Variants in IGSF3 observed in about 807,000 individuals in gnomAD.
IGSF3 encodes glu-Trp-Ile EWI motif-containing protein 3.
IGSF3 carries 23 observed loss-of-function variants against 114.4 expected under a neutral mutation model. That is an observed-to-expected ratio of 0.20 (90% CI 0.14 to 0.28). The LOEUF is 0.28. Among genes scored for constraint, IGSF3 ranks in the 10% least tolerant of loss-of-function variants. The probability of loss-of-function intolerance (pLI) is 1.00; values close to 1 mark genes in which losing one functional copy is unlikely to be tolerated. For synonymous variants in IGSF3, 571 were observed against 645.2 expected (o/e 0.88, Z 1.74); for missense variants, 1,172 against 1,591.5 (o/e 0.74, Z 4.48).
At position 116,657,264 on chromosome 1, in the gene IGSF3, G is replaced by A. The variant is rs1256551225; in HGVS notation, c.43+9020C>T. On this transcript the variant is annotated intron_variant, in intron 2 of 10. Coordinates refer to ENST00000369486, the MANE Select transcript of IGSF3 (RefSeq NM_001007237.3). This position sits in a 1 kb window ranked among gnomAD's most constrained non-coding sequence, Gnocchi z 4.2. ...CTGCATCTCCTTTCCTCTCCCTGAT[G>A]AAAAGTGCCACCTAGCAAGGTCAAT... 6.6e-6 allele frequency among the ~76,000 whole-genome samples: 1 copy of A among 152,172 alleles called. No individual in the cohort carries two copies. The highest frequency in any genetic ancestry group is 1.5e-5 in the Non-Finnish European group (1 of 68,036).
intron 7 of IGSF3, 147 bp downstream of exon 7, chr1:116,599,794 T>G: frequency 1.4e-6 from 1 of 703,926 alleles, no homozygotes; most frequent in Non-Finnish European, 2.3e-6. Context: ...TGCACGATTC[T>G]TAAAACTTCC....
chr1:116,579,291 T>C lies in IGSF3; in HGVS notation c.3334+101A>G, dbSNP rs1337280612. ...TCCTACTAATAAATGCCCATGACAG[T>C]TAAGAAAACTGTTTATTAACCCATA... On this transcript the variant is annotated intron_variant, in intron 10 of 10. Coordinates refer to ENST00000369486, the MANE Select transcript of IGSF3 (RefSeq NM_001007237.3). The surrounding 1 kb of genome is among the most constrained non-coding windows in gnomAD (Gnocchi z 6.4). The C allele has an allele frequency of 2.8e-6, 4 of 1,428,430 alleles. No individual in the cohort carries two copies. The highest frequency in any genetic ancestry group is 2.8e-6 in the Non-Finnish European group (3 of 1,059,710). The allele number at this position is 1,428,430 out of a possible 1,614,324, so 88.5% of individuals were successfully genotyped here. A position where few individuals can be genotyped will look rare whatever the true frequency, so the allele number is the denominator to read the frequency against.
chr1:116,632,604 T>C lies in IGSF3; in HGVS notation c.44-16147A>G, dbSNP rs1647642477. On this transcript the variant is annotated intron_variant, in intron 2 of 10. Coordinates refer to ENST00000369486, the MANE Select transcript of IGSF3 (RefSeq NM_001007237.3). This position sits in a 1 kb window ranked among gnomAD's most constrained non-coding sequence, Gnocchi z 5.1. The stretch of plus-strand genomic sequence containing the variant: ...CTTCCCAGTAATCCTTTTTCAGGCA[T>C]ATATTTTTGTCTCCTCAAACTTAAG... 6.6e-6 allele frequency among the ~76,000 whole-genome samples: 1 copy of C among 152,174 alleles called. No homozygotes were observed. The highest frequency in any genetic ancestry group is 1.5e-5 in the Non-Finnish European group (1 of 68,036).
At position 116,628,939 on chromosome 1, in the gene IGSF3, C is replaced by T. The variant is rs1647428451; in HGVS notation, c.44-12482G>A. Among the ~76,000 whole-genome samples, 2 of 152,190 alleles carry T rather than the reference C, an allele frequency of 1.3e-5. No homozygotes were observed. Among genetic ancestry groups the T allele is most frequent in the African/African-American group, 4.8e-5 (2 of 41,452 alleles). ...GCCAGCATCACAGATGCAAAAATAA[C>T]AGAACTGTGGAAGTAGAGACTAATT... On this transcript the variant is annotated intron_variant, in intron 2 of 10. Transcript: ENST00000369486. This position sits in a 1 kb window ranked among gnomAD's most constrained non-coding sequence, Gnocchi z 4.2.
chr1:116,611,304 C>G (rs369157445), intron 4 of IGSF3, among the ~76,000 whole-genome samples: 1 of 152,196 alleles, frequency 6.6e-6, no homozygotes, highest in African/African-American at 2.4e-5. Flanking sequence ...TTTATTCATA[C>G]AAAATCTTCT....
At chr1:116,635,336 T>C (rs1571178104) in intron 2 of IGSF3, among the ~76,000 whole-genome samples, 1 of 152,252 alleles carries the variant, frequency 6.6e-6, no homozygotes, top group Non-Finnish European at 1.5e-5. Flanking sequence ...ATCCCTGTTA[T>C]AGTTGGCCTT....
intron 1 of IGSF3, 84 bp from the exon 2 acceptor site, chr1:116,667,040 T>G (rs1475946847): frequency 5.1e-6 from 2 of 393,164 alleles, no homozygotes; most frequent in Non-Finnish European, 4.5e-6. Flanking sequence ...TCCGGACACC[T>G]GGGTCCGGTT....
Position 116,629,194 on chromosome 1 carries a change from A to G in IGSF3, c.44-12737T>C, listed in dbSNP as rs1261115275. Among the ~76,000 whole-genome samples, 1 of 152,240 alleles carries G rather than the reference A, an allele frequency of 6.6e-6. No individual in the cohort carries two copies. The highest frequency in any genetic ancestry group is 1.5e-5 in the Non-Finnish European group (1 of 68,038). On this transcript the variant is annotated intron_variant, in intron 2 of 10. Coordinates refer to ENST00000369486, the MANE Select transcript of IGSF3 (RefSeq NM_001007237.3). This position sits in a 1 kb window ranked among gnomAD's most constrained non-coding sequence, Gnocchi z 4.3. Reference sequence around the variant, plus strand: ...CAACCATTTAAAAACTGCAGAGAACAATATTTATGAACACCTAAAAATGCT... The same window carrying G: ...CAACCATTTAAAAACTGCAGAGAACGATATTTATGAACACCTAAAAATGCT...
At chr1:116,656,293 C>CTTTTTTT (rs56148691) in intron 2 of IGSF3, among the ~76,000 whole-genome samples, 5 of 62,438 alleles carry the variant, frequency 8.0e-5, no homozygotes, top group East Asian at 4.3e-4. Flanking sequence ...TTTCTACATT[C>CTTTTTTT]TTTTTTTTTT....
At chr1:116,620,573 T>A (rs1661385583) in intron 2 of IGSF3, among the ~76,000 whole-genome samples, 1 of 152,088 alleles carries the variant, frequency 6.6e-6, no homozygotes, top group South Asian at 2.1e-4. Flanking sequence ...CAGGGCTAGG[T>A]CATAAAAAGA....
At chr1:116,659,320 G>A (rs1230640785) in intron 2 of IGSF3, among the ~76,000 whole-genome samples, 1 of 152,186 alleles carries the variant, frequency 6.6e-6, no homozygotes, top group Non-Finnish European at 1.5e-5. Flanking sequence ...AGTTGAGGGA[G>A]GTCTGCTGCC....
chr1:116,584,655 G>A lies in IGSF3; in HGVS notation c.2838C>T (p.Val946=), dbSNP rs1337777340. The A allele has an allele frequency of 2.5e-6, 4 of 1,614,048 alleles. No homozygotes were observed. The highest frequency in any genetic ancestry group is 3.4e-6 in the Non-Finnish European group (4 of 1,180,016). The change falls in exon 9 of 11, where the codon GTC becomes GTT. Residue 946 remains valine, a synonymous_variant. Coordinates refer to ENST00000369486, the MANE Select transcript of IGSF3 (RefSeq NM_001007237.3). This position sits in a 1 kb window ranked among gnomAD's most constrained non-coding sequence, Gnocchi z 5.8. ...EDTAGQTALT[V]MRPDASLQVD... ...GACGTGGACCCTCACCTGGTCGCATGACTGTCAGAGCTGTCTGCCCAGCGG... is the reference window on the plus strand; with the variant it reads ...GACGTGGACCCTCACCTGGTCGCATAACTGTCAGAGCTGTCTGCCCAGCGG...
intron 2 of IGSF3, among the ~76,000 whole-genome samples, chr1:116,659,628 T>G (rs1287960973): frequency 2.6e-5 from 4 of 152,072 alleles, no homozygotes; most frequent in Non-Finnish European, 5.9e-5. Flanking sequence ...GTCTCGCTCT[T>G]TTTGTGTGTG....
rs1647681822 is a variant in IGSF3, at chr1:116,633,381, C to T, written c.44-16924G>A. ...GAAGAGACCTTACATAATCTTTTAACTTTTTCTCTAAGGCTGATTCCCTAT... is the reference window on the plus strand; with the variant it reads ...GAAGAGACCTTACATAATCTTTTAATTTTTTCTCTAAGGCTGATTCCCTAT... On this transcript the variant is annotated intron_variant, in intron 2 of 10. Coordinates refer to ENST00000369486, the MANE Select transcript of IGSF3 (RefSeq NM_001007237.3). This position sits in a 1 kb window ranked among gnomAD's most constrained non-coding sequence, Gnocchi z 4.3. Among the ~76,000 whole-genome samples, 1 of 152,154 alleles carries T rather than the reference C, an allele frequency of 6.6e-6. No homozygotes were observed. Among genetic ancestry groups the T allele is most frequent in the South Asian group, 2.1e-4 (1 of 4,814 alleles).
chr1:116,640,467 C>G (rs1648039706), intron 2 of IGSF3, among the ~76,000 whole-genome samples: 2 of 152,212 alleles, frequency 1.3e-5, no homozygotes, highest in Admixed American at 1.3e-4. Context: ...TATGCTTTTA[C>G]TACCTATGTA....
In IGSF3 at chr1:116,589,463, C is replaced by T. The variant is rs1222797727; in HGVS notation, c.2030-359G>A. Among the ~76,000 whole-genome samples, 2 of 152,106 alleles carry T rather than the reference C, an allele frequency of 1.3e-5. No individual in the cohort carries two copies. Among genetic ancestry groups the T allele is most frequent in the East Asian group, 3.9e-4 (2 of 5,172 alleles). On this transcript the variant is annotated intron_variant, in intron 7 of 10. Transcript: ENST00000369486. This position sits in a 1 kb window ranked among gnomAD's most constrained non-coding sequence, Gnocchi z 5.7. ...ACCTACGGGCCAGAGAGAAACAATT[C>T]CTTTTCACAGCACAAAGTCCCTTCA... is the stretch of plus-strand genomic sequence containing the variant.
At position 116,662,231 on chromosome 1, in the gene IGSF3, C is replaced by A. The variant is rs148838910; in HGVS notation, c.43+4053G>T. On this transcript the variant is annotated intron_variant, in intron 2 of 10. Coordinates refer to ENST00000369486, the MANE Select transcript of IGSF3 (RefSeq NM_001007237.3). This position sits in a 1 kb window ranked among gnomAD's most constrained non-coding sequence, Gnocchi z 4.3. ...GATTACAGGAATGTGCCACCATGCTCGGCTAATTTTTGTATTTTTAGTACA... is the reference window on the plus strand; with the variant it reads ...GATTACAGGAATGTGCCACCATGCTAGGCTAATTTTTGTATTTTTAGTACA... Among the ~76,000 whole-genome samples, 1 of 152,008 alleles carries A rather than the reference C, an allele frequency of 6.6e-6. No homozygotes were observed. Among genetic ancestry groups the A allele is most frequent in the East Asian group, 1.9e-4 (1 of 5,160 alleles).
At chr1:116,623,569 G>A (rs1313620578) in intron 2 of IGSF3, among the ~76,000 whole-genome samples, 1 of 152,100 alleles carries the variant, frequency 6.6e-6, no homozygotes, top group Admixed American at 6.5e-5. Flanking sequence ...GCTATCAGGA[G>A]GCTGAGGCAG....
chr1:116,650,036 C>T lies in IGSF3; in HGVS notation c.43+16248G>A, dbSNP rs1267929292. On this transcript the variant is annotated intron_variant, in intron 2 of 10. Transcript: ENST00000369486. This position sits in a 1 kb window ranked among gnomAD's most constrained non-coding sequence, Gnocchi z 5.0. Reference sequence around the variant, plus strand: ...TCCTCACTCAACTCTTTCCTACCAACTTGCTTTCCCCTCTCCTTTCTGCCT... The same window carrying T: ...TCCTCACTCAACTCTTTCCTACCAATTTGCTTTCCCCTCTCCTTTCTGCCT... Among the ~76,000 whole-genome samples, 1 of 152,226 alleles carries T rather than the reference C, an allele frequency of 6.6e-6. No homozygotes were observed. Among genetic ancestry groups the T allele is most frequent in the Non-Finnish European group, 1.5e-5 (1 of 68,040 alleles).
Sources: gnomAD v4.1 joint callset for allele counts (sites outside exome capture counted in the v4.1 genomes callset) on GRCh38, gnomAD v4.1.1 for gene constraint, Gnocchi (gnomAD v3.1) non-coding constraint, MANE v1.5 for transcripts, NCBI Gene and HGNC (gene_info 2026-07-23, HGNC 2026-07-21) for gene names.